Variants in ELAPOR1 observed in about 807,000 individuals in gnomAD.
ELAPOR1 encodes the protein endosome-lysosome associated apoptosis and autophagy regulator 1.
Under a neutral mutation model 119.7 loss-of-function variants are expected in ELAPOR1, and 77 were observed. The ratio of observed to expected loss-of-function variants is 0.64; its 90% CI spans 0.54 to 0.78. ELAPOR1 has a LOEUF of 0.78. ELAPOR1 is among the 30% of genes least tolerant of loss of function. ELAPOR1 has a pLI of 0.00. For missense variants in ELAPOR1, 1,115 were observed against 1,270.4 expected, an observed-to-expected ratio of 0.88 and a Z score of 1.86; for synonymous variants, 481 against 487.2, an observed-to-expected ratio of 0.99 and a Z score of 0.17.
intron 3 of ELAPOR1, among the ~76,000 whole-genome samples, chr1:109,165,072 C>T (rs768285601): frequency 6.6e-6 from 1 of 152,124 alleles, no homozygotes; most frequent in Non-Finnish European, 1.5e-5. Context: ...GGGAGGATTG[C>T]CTGAGGCCAA....
At chr1:109,180,815 A>AT (rs951941623) in intron 7 of ELAPOR1, among the ~76,000 whole-genome samples, 6 of 152,284 alleles carry the variant, frequency 3.9e-5, no homozygotes, top group African/African-American at 1.4e-4. Context: ...AAATAAAAAA[A>AT]TTAGCCAGGT....
chr1:109,186,627 G>C, intron 8 of ELAPOR1: 1 of 985,388 alleles, frequency 1.0e-6, no homozygotes, highest in Non-Finnish European at 1.2e-6. Context: ...TCAGTTCTGT[G>C]GTGTCTGGTA....
chr1:109,191,641 T>C, intron 12 of ELAPOR1, 85 bp from the exon 13 acceptor site: 1 of 1,564,532 alleles, frequency 6.4e-7, no homozygotes. Flanking sequence ...TCACCAACCG[T>C]GATGGCACCT....
In ELAPOR1 at chr1:109,143,005, A is replaced by T. The variant is rs562784690; in HGVS notation, c.154-18889A>T. ...CGCTCTGTCGCCCAGGCTGGAGTGCAGTAGTGCGATCTCAGCTCACTGCAA... is the reference window on the plus strand; with the variant it reads ...CGCTCTGTCGCCCAGGCTGGAGTGCTGTAGTGCGATCTCAGCTCACTGCAA... On this transcript the variant is annotated intron_variant, in intron 1 of 21. Coordinates refer to ENST00000369939, the MANE Select transcript of ELAPOR1 (RefSeq NM_020775.5). 4.6e-5 allele frequency among the ~76,000 whole-genome samples: 7 copies of T among 151,728 alleles called. No individual in the cohort carries two copies. In the East Asian group the frequency reaches 1.4e-3, roughly 29 times the overall value.
Position 109,159,001 on chromosome 1 carries a change from G to A in ELAPOR1, c.154-2893G>A, listed in dbSNP as rs1359956784. On this transcript the variant is annotated intron_variant, in intron 1 of 21. Coordinates refer to ENST00000369939, the MANE Select transcript of ELAPOR1 (RefSeq NM_020775.5). ...TCTGCCCCCACTCCCAGGTTCAAGC[G>A]ATTCTCTTGCCTCAGCCTCCTGAGT... Among the ~76,000 whole-genome samples the A allele has an allele frequency of 9.3e-5, 14 of 151,238 alleles. No homozygotes were observed. The East Asian group carries it at 1.6e-3, about 17-fold the overall frequency.
At chr1:109,161,806 G>A (rs1392740782) in intron 1 of ELAPOR1, 88 bp from the exon 2 acceptor site, 1 of 1,472,378 alleles carries the variant, frequency 6.8e-7, no homozygotes, top group African/African-American at 1.4e-5. Flanking sequence ...ATGAGCATCA[G>A]TAGCCATGGT....
intron 1 of ELAPOR1, among the ~76,000 whole-genome samples, chr1:109,131,947 A>G (rs979528093): frequency 4.6e-5 from 7 of 152,198 alleles, no homozygotes; most frequent in African/African-American, 1.7e-4. Context: ...GTTTGAGGCC[A>G]GACTTGGAGG....
intron 12 of ELAPOR1, 29 bp downstream of exon 12, chr1:109,191,500 G>T (rs1396791076): frequency 6.3e-7 from 1 of 1,585,230 alleles, no homozygotes; most frequent in Non-Finnish European, 8.7e-7. Flanking sequence ...GCCCGCTAGA[G>T]GGCCTCCAGG....
At chr1:109,127,866 C>A (rs1648891757) in intron 1 of ELAPOR1, among the ~76,000 whole-genome samples, 1 of 141,944 alleles carries the variant, frequency 7.0e-6, no homozygotes, top group African/African-American at 2.6e-5. Context: ...ACCCGGCCTG[C>A]TTTTTTTTTT....
intron 1 of ELAPOR1, among the ~76,000 whole-genome samples, chr1:109,144,053 A>ATT (rs869275387): frequency 2.2e-5 from 2 of 89,792 alleles, no homozygotes; most frequent in African/African-American, 1.1e-4. Context: ...ATATATATAT[A>ATT]TTTATATATT....
At chr1:109,173,406 A>G in intron 5 of ELAPOR1, 68 bp from the exon 6 acceptor site, 2 of 1,283,736 alleles carry the variant, frequency 1.6e-6, no homozygotes, top group Non-Finnish European at 2.2e-6. Flanking sequence ...TCCCAACAAG[A>G]GGCTATACCA....
At chr1:109,165,636 A>T (rs933080494) in intron 3 of ELAPOR1, among the ~76,000 whole-genome samples, 3 of 151,652 alleles carry the variant, frequency 2.0e-5, no homozygotes, top group Admixed American at 2.0e-4. Context: ...AACCAACCGG[A>T]TTTCCACCAC....
intron 1 of ELAPOR1, among the ~76,000 whole-genome samples, chr1:109,156,060 A>C (rs1458171719): frequency 1.3e-5 from 2 of 152,132 alleles, no homozygotes; most frequent in Non-Finnish European, 2.9e-5. Context: ...AGGGAGAATC[A>C]CTTGAGCCTG....
intron 7 of ELAPOR1, among the ~76,000 whole-genome samples, chr1:109,175,826 C>CAAAAAAAAA (rs55824923): frequency 1.1e-5 from 1 of 88,432 alleles, no homozygotes; most frequent in African/African-American, 4.6e-5. Flanking sequence ...GACTCAGTCT[C>CAAAAAAAAA]AAAAAAAAAA....
intron 12 of ELAPOR1, 93 bp from the exon 13 acceptor site, chr1:109,191,633 A>T: frequency 6.5e-7 from 1 of 1,544,464 alleles, no homozygotes; most frequent in Non-Finnish European, 8.9e-7. Flanking sequence ...CAAGGGTCTC[A>T]CCAACCGTGA....
intron 8 of ELAPOR1, chr1:109,187,608 C>T (rs138414061): frequency 9.0e-6 from 9 of 1,002,172 alleles, no homozygotes; most frequent in Admixed American, 6.1e-5. Context: ...GGGTCTCCTG[C>T]GGGTCATCTC....
intron 7 of ELAPOR1, among the ~76,000 whole-genome samples, chr1:109,184,146 C>G (rs2101092409): frequency 6.6e-6 from 1 of 152,170 alleles, no homozygotes; most frequent in Non-Finnish European, 1.5e-5. Context: ...CCGAGGAGGG[C>G]AGATCACCTG....
chr1:109,198,142 C>T (rs1653945570), intron 17 of ELAPOR1, 67 bp downstream of exon 17: 2 of 1,262,458 alleles, frequency 1.6e-6, no homozygotes, highest in East Asian at 2.3e-5. Flanking sequence ...TGCTGCATCC[C>T]TCCCTCTCTA....
chr1:109,194,644 G>C (rs1304094619), intron 15 of ELAPOR1, 50 bp downstream of exon 15: 1 of 1,555,506 alleles, frequency 6.4e-7, no homozygotes, highest in Admixed American at 1.7e-5. Flanking sequence ...GAGGCCCATG[G>C]ATCAGAAGCC....
Sources: gnomAD v4.1 joint callset for allele counts (sites outside exome capture counted in the v4.1 genomes callset) on GRCh38, gnomAD v4.1.1 for gene constraint, MANE v1.5 for transcripts, NCBI Gene and HGNC (gene_info 2026-07-23, HGNC 2026-07-21) for gene names.